TMC8: variants seen among roughly 807,000 people sequenced by gnomAD.
TMC8 encodes transmembrane channel-like protein 8.
TMC8 carries 71 observed loss-of-function variants against 76.0 expected under a neutral mutation model. That is an observed-to-expected ratio of 0.93 (90% confidence interval 0.77 to 1.14). The LOEUF is 1.14. Ranked by LOEUF, TMC8 falls within the 50% of genes most tolerant of loss-of-function variation. The probability of loss-of-function intolerance (pLI) is 0.00; values close to 1 mark genes in which losing one functional copy is unlikely to be tolerated. For synonymous variants in TMC8, 433 were observed against 433.8 expected, an observed-to-expected ratio of 1.00 and a Z score of 0.02; for missense variants, 924 against 947.9, an observed-to-expected ratio of 0.97 and a Z score of 0.33.
chr17:78,133,269 C>A, intron 5 of TMC8, 137 bp from the exon 6 acceptor site: 1 of 1,412,058 alleles, frequency 7.1e-7, no homozygotes, highest in Non-Finnish European at 9.9e-7. Context: ...GTTGCCGAAC[C>A]TCTGTGGGCC....
intron 3 of TMC8, 71 bp from the exon 4 acceptor site, chr17:78,132,288 G>C: frequency 6.3e-7 from 1 of 1,578,098 alleles, no homozygotes; most frequent in Non-Finnish European, 8.7e-7. Context: ...CGGTGGGCCC[G>C]CCCTTGGACT....
chr17:78,140,995 C>G lies in TMC8; in HGVS notation c.2064C>G (p.Ala688=). Residue 688 remains alanine (A), a synonymous_variant, in exon 16 of 16, where the codon GCC becomes GCG. Coordinates refer to ENST00000318430, the MANE Select transcript of TMC8 (RefSeq NM_152468.5). Reference sequence around the variant, plus strand: ...GCCCTGGCTCCCCGGGCCACCAGGCCCCGCGGCCGGGCCCCTCCGTCGTGG... The same window carrying G: ...GCCCTGGCTCCCCGGGCCACCAGGCGCCGCGGCCGGGCCCCTCCGTCGTGG... The part of the protein sequence containing the change: ...CPCPGSPGHQ[A]PRPGPSVVDA... 1 of 1,592,904 alleles carries G rather than the reference C, an allele frequency of 6.3e-7. No individual in the cohort carries two copies. The highest frequency in any genetic ancestry group is 8.5e-7 in the Non-Finnish European group (1 of 1,170,762).
chr17:78,134,499 C>T lies in TMC8; in HGVS notation c.922C>T (p.Leu308Phe), dbSNP rs761343022. The T allele has an allele frequency of 9.3e-6, 15 of 1,614,118 alleles. No individual in the cohort carries two copies. The highest frequency in any genetic ancestry group is 1.1e-5 in the Non-Finnish European group (13 of 1,180,038). The change falls in exon 8 of 16, where the codon CTC (leucine) becomes TTC (phenylalanine). Residue 308 changes from leucine to phenylalanine, a missense_variant. Leu to Phe is a conservative substitution (Grantham distance 22). Coordinates refer to ENST00000318430, the MANE Select transcript of TMC8 (RefSeq NM_152468.5). ...CCTGCGGGTCAACGTACTCAACGGG[C>T]TCCTGGTGGTTGGGGCCATCAGCGC... The part of the protein sequence containing the change: ...SYLRVNVLNG[L>F]LVVGAISAIF...
At chr17:78,137,186 G>T in intron 9 of TMC8, 49 bp from the exon 10 acceptor site, 1 of 1,610,222 alleles carries the variant, frequency 6.2e-7, no homozygotes, top group South Asian at 1.1e-5. Context: ...GGTAGAGCCC[G>T]GTGCCCATGT....
At chr17:78,134,065 GCCA>G in intron 7 of TMC8, 65 bp downstream of exon 7, 2 of 1,609,370 alleles carry the variant, frequency 1.2e-6, no homozygotes, top group Admixed American at 1.7e-5. Flanking sequence ...GTGCGTGAGA[GCCA>G]CGTGTTCCAG....
rs2075357931 is a variant in TMC8, at chr17:78,140,831, C to A, written c.1903-3C>A. ...CGCAACTCGCCACTTGTTCTCCTCA[C>A]AGCAGGTTCAGGAGAAGTGGCACCT... On this transcript the variant is annotated splice_region_variant and splice_polypyrimidine_tract_variant and intron_variant, in intron 15 of 15. Coordinates refer to ENST00000318430, the MANE Select transcript of TMC8 (RefSeq NM_152468.5). 1.2e-6 allele frequency: 2 copies of A among 1,605,630 alleles called. No individual in the cohort carries two copies. The highest frequency in any genetic ancestry group is 1.7e-6 in the Non-Finnish European group (2 of 1,177,118).
At chr17:78,138,519 G>C (rs1262456585) in intron 13 of TMC8, 40 bp downstream of exon 13, 2 of 1,613,444 alleles carry the variant, frequency 1.2e-6, no homozygotes, top group Non-Finnish European at 1.7e-6. Flanking sequence ...GGCTGGCAGG[G>C]GCAGTTTCTC....
chr17:78,133,011 G>T (rs2075074701), intron 5 of TMC8, 141 bp downstream of exon 5: 2 of 991,028 alleles, frequency 2.0e-6, no homozygotes, highest in Non-Finnish European at 1.6e-6. Context: ...AGACAGACTG[G>T]CCTGGCCGGT....
Position 78,132,795 on chromosome 17 carries a change from G to GTA in TMC8, c.457_458insAT (p.Cys153TyrfsTer13). 6.2e-7 allele frequency: 1 copy of GTA among 1,614,178 alleles called. No homozygotes were observed. Among genetic ancestry groups the GTA allele is most frequent in the Non-Finnish European group, 8.5e-7 (1 of 1,180,016 alleles). ...CCCCTTCCTCCTCAACAGCCCTCCA[G>GTA]TGCCCTGGTAGCCGCCAGTCCCCGC... On this transcript the variant is annotated frameshift_variant, in exon 5 of 16. Transcript: ENST00000318430. LOFTEE classifies it high-confidence loss of function.
At chr17:78,133,742 G>A in intron 6 of TMC8, 111 bp from the exon 7 acceptor site, 1 of 1,563,362 alleles carries the variant, frequency 6.4e-7, no homozygotes, top group Non-Finnish European at 8.7e-7. Context: ...CACTCACCAG[G>A]ACCTGCACCT....
Position 78,140,887 on chromosome 17 carries a change from G to T in TMC8, c.1956G>T (p.Glu652Asp). The change falls in exon 16 of 16, where the codon GAG becomes GAT. Residue 652 changes from glutamate (E) to aspartate (D), a missense_variant. Transcript: ENST00000318430. ...AGGACCTGTCGCGACTGCTGCCGGAGCCAGGCCCGAGCGACTCTCCGGGCC... is the reference window on the plus strand; with the variant it reads ...AGGACCTGTCGCGACTGCTGCCGGATCCAGGCCCGAGCGACTCTCCGGGCC... ...LVEDLSRLLP[E>D]PGPSDSPGPK... 1 of 1,609,714 alleles carries T rather than the reference G, an allele frequency of 6.2e-7. No individual in the cohort carries two copies. The highest frequency in any genetic ancestry group is 1.7e-5 in the Admixed American group (1 of 59,546).
intron 5 of TMC8, 22 bp from the exon 6 acceptor site, chr17:78,133,384 G>T: frequency 6.2e-7 from 1 of 1,613,608 alleles, no homozygotes; most frequent in Non-Finnish European, 8.5e-7. Flanking sequence ...CCCGGGCTGG[G>T]TATCTTCGTC....
intron 4 of TMC8, 61 bp from the exon 5 acceptor site, chr17:78,132,727 C>T (rs529906041): frequency 6.4e-7 from 1 of 1,573,002 alleles, no homozygotes; most frequent in African/African-American, 1.3e-5. Context: ...AGAGCAGTAG[C>T]CGCAGAGCCT....
chr17:78,135,208 C>T lies in TMC8; in HGVS notation c.1127+199C>T, dbSNP rs548539767. ...TCTAAGGCTTTCCAATCCCCCACCT[C>T]CAAAGGAAGCCGCCAGTCTGGACCA... On this transcript the variant is annotated intron_variant, in intron 9 of 15. Coordinates refer to ENST00000318430, the MANE Select transcript of TMC8 (RefSeq NM_152468.5). 4.6e-5 allele frequency among the ~76,000 whole-genome samples: 7 copies of T among 152,300 alleles called. No individual in the cohort carries two copies. The East Asian group carries it at 1.4e-3, about 29-fold the overall frequency.
chr17:78,133,904 G>T lies in TMC8; in HGVS notation c.720G>T (p.Ala240=), dbSNP rs369500092. The T allele has an allele frequency of 6.2e-7, 1 of 1,613,530 alleles. No homozygotes were observed. Among genetic ancestry groups the T allele is most frequent in the Admixed American group, 1.7e-5 (1 of 60,022 alleles). The change falls in exon 7 of 16, where the codon GCG becomes GCT. Residue 240 remains alanine (A), a synonymous_variant. Transcript: ENST00000318430. The part of the protein sequence containing the change: ...QKTLLGQGYQ[A]PLSAKVFSSW... ...CTCTGCTGGGTCAGGGCTATCAGGC[G>T]CCTCTCAGCGCCAAGGTCTTCTCCT...
At chr17:78,135,078 T>C in intron 9 of TMC8, 69 bp downstream of exon 9, 1 of 1,603,852 alleles carries the variant, frequency 6.2e-7, no homozygotes, top group South Asian at 1.1e-5. Flanking sequence ...CTCTTTTGGT[T>C]GTCACCTGGC....
rs755716972 is a variant in TMC8, at chr17:78,134,580, A to G, written c.987+16A>G. On this transcript the variant is annotated intron_variant, in intron 8 of 15. Coordinates refer to ENST00000318430, the MANE Select transcript of TMC8 (RefSeq NM_152468.5). Reference sequence around the variant, plus strand: ...CAACAAGGAGGTGTCAGGCAACTGCATTCATTTAATCCTGGCCAGAACTGC... The same window carrying G: ...CAACAAGGAGGTGTCAGGCAACTGCGTTCATTTAATCCTGGCCAGAACTGC... 1.6e-5 allele frequency: 26 copies of G among 1,613,810 alleles called. No homozygotes were observed. In the South Asian group the frequency reaches 2.6e-4, roughly 16 times the overall value.
intron 2 of TMC8, 30 bp downstream of exon 2, chr17:78,131,767 G>T: frequency 6.4e-7 from 1 of 1,561,576 alleles, no homozygotes; most frequent in Non-Finnish European, 8.6e-7. Context: ...CAGACGGTGC[G>T]TGGGGGGGGT....
At chr17:78,135,972 C>G (rs1283095536) in intron 9 of TMC8, among the ~76,000 whole-genome samples, 1 of 152,212 alleles carries the variant, frequency 6.6e-6, no homozygotes, top group Non-Finnish European at 1.5e-5. Flanking sequence ...GAGAATCACT[C>G]GAACCCAGGA....
Sources: allele counts gnomAD v4.1 joint callset (sites outside exome capture counted in the v4.1 genomes callset), GRCh38; gene constraint gnomAD v4.1.1; transcripts MANE v1.5; gene names NCBI Gene and HGNC (gene_info 2026-07-23, HGNC 2026-07-21).